The following GRID2 variants were observed in gnomAD, a reference collection of about 807,000 sequenced individuals.
GRID2 encodes the protein glutamate receptor ionotropic, delta-2.
In GRID2, 33 loss-of-function variants were observed where a neutral mutation model predicts 114.8. The ratio of observed to expected loss-of-function variants is 0.29; its 90% CI spans 0.22 to 0.38. The LOEUF is 0.38. Among genes scored for constraint, GRID2 ranks in the 10% least tolerant of loss-of-function variants. The pLI is 1.00. For missense variants in GRID2, 1,184 were observed against 1,257.7 expected (o/e 0.94, Z 0.89); for synonymous variants, 505 against 449.9 (o/e 1.12, Z -1.55).
At chr4:93,226,791 G>A (rs1745539063) in intron 7 of GRID2, among the ~76,000 whole-genome samples, 1 of 152,158 alleles carries the variant, frequency 6.6e-6, no homozygotes, top group African/African-American at 2.4e-5. Flanking sequence ...CTCTGCCTGA[G>A]TCTTCATGCT....
rs141316089 is a variant in GRID2, at chr4:92,740,929, T to C, written c.244+150643T>C. 6.9e-4 allele frequency among the ~76,000 whole-genome samples: 105 copies of C among 152,202 alleles called. 1 individual carries two copies. The highest frequency in any genetic ancestry group is 1.3e-3 in the African/African-American group (54 of 41,526). On this transcript the variant is annotated intron_variant, in intron 2 of 15. Transcript: ENST00000282020. Reference sequence around the variant, plus strand: ...GCCTGACTTATTCTTGTAGTTTTATTAGTTTTATTAGAAGGGGTTTCACCA... The same window carrying C: ...GCCTGACTTATTCTTGTAGTTTTATCAGTTTTATTAGAAGGGGTTTCACCA...
At chr4:93,086,055 T>C (rs934538484) in intron 3 of GRID2, among the ~76,000 whole-genome samples, 5 of 152,182 alleles carry the variant, frequency 3.3e-5, no homozygotes, top group Admixed American at 1.3e-4. Flanking sequence ...TCTTAATCTA[T>C]AGATTCCCTC....
At chr4:93,520,046 A>G (rs1730177710) in intron 13 of GRID2, among the ~76,000 whole-genome samples, 1 of 152,182 alleles carries the variant, frequency 6.6e-6, no homozygotes, top group Non-Finnish European at 1.5e-5. Context: ...CATGGGTTTT[A>G]GAAGACTGAG....
intron 10 of GRID2, among the ~76,000 whole-genome samples, chr4:93,453,288 G>A (rs1227416226): frequency 6.9e-6 from 1 of 144,888 alleles, no homozygotes; most frequent in East Asian, 2.2e-4. Flanking sequence ...ACCTCTTTAG[G>A]AAGACTATAC....
intron 1 of GRID2, among the ~76,000 whole-genome samples, chr4:92,323,581 C>T (rs75214693): frequency 0.013 from 2,025 of 152,090 alleles, 25 homozygotes; most frequent in Non-Finnish European, 0.021. Context: ...TTATGTAAAC[C>T]TTACTCCTTG....
At chr4:93,614,182 C>T (rs1469527414) in intron 13 of GRID2, among the ~76,000 whole-genome samples, 1 of 152,186 alleles carries the variant, frequency 6.6e-6, no homozygotes, top group Non-Finnish European at 1.5e-5. Flanking sequence ...GCGCACGGTG[C>T]GTGCACCCAC....
chr4:93,444,936 T>C lies in GRID2; in HGVS notation c.1546-10726T>C, dbSNP rs538495368. On this transcript the variant is annotated intron_variant, in intron 10 of 15. Transcript: ENST00000282020. ...GCGATGACTGTTCATTGTTTATAAA[T>C]ATCTGTTCTCTCCTTTCTTAGTAAT... is the stretch of plus-strand genomic sequence containing the variant. 1.0e-3 allele frequency among the ~76,000 whole-genome samples: 152 copies of C among 152,148 alleles called. 1 individual carries two copies. Among genetic ancestry groups the C allele is most frequent in the African/African-American group, 3.6e-3 (149 of 41,566 alleles).
At chr4:93,189,773 C>CCACACACACACACACA (rs34137840) in intron 4 of GRID2, among the ~76,000 whole-genome samples, 6 of 138,898 alleles carry the variant, frequency 4.3e-5, no homozygotes, top group African/African-American at 1.6e-4. Context: ...CCACACCACA[C>CCACACACACACACACA]CACACACACA....
At chr4:93,507,374 G>T (rs1168157136) in intron 12 of GRID2, among the ~76,000 whole-genome samples, 1 of 152,166 alleles carries the variant, frequency 6.6e-6, no homozygotes, top group African/African-American at 2.4e-5. Flanking sequence ...ATAGGAAGGT[G>T]GAAGGCTTAT....
chr4:92,628,247 A>G (rs118003216), intron 2 of GRID2, among the ~76,000 whole-genome samples: 2 of 152,156 alleles, frequency 1.3e-5, no homozygotes, highest in Admixed American at 6.5e-5. Flanking sequence ...AGCAGCTCCC[A>G]CTTATTTTCT....
intron 1 of GRID2, among the ~76,000 whole-genome samples, chr4:92,516,511 T>C (rs968971494): frequency 1.3e-5 from 2 of 151,890 alleles, no homozygotes; most frequent in African/African-American, 2.4e-5. Flanking sequence ...ATCATTTTAA[T>C]GATATCAGAT....
At chr4:93,732,616 G>T (rs751222139) in intron 14 of GRID2, among the ~76,000 whole-genome samples, 4 of 151,894 alleles carry the variant, frequency 2.6e-5, no homozygotes, top group Admixed American at 1.3e-4. Context: ...TCTTTGTGTG[G>T]TTAAAATGGC....
intron 14 of GRID2, among the ~76,000 whole-genome samples, chr4:93,681,223 G>T (rs962520372): frequency 5.3e-5 from 8 of 151,382 alleles, no homozygotes; most frequent in African/African-American, 1.7e-4. Context: ...ACTTACAAGG[G>T]ACGTGAAGGA....
intron 4 of GRID2, among the ~76,000 whole-genome samples, chr4:93,114,882 A>C (rs776750917): frequency 6.6e-6 from 1 of 152,150 alleles, no homozygotes; most frequent in Non-Finnish European, 1.5e-5. Context: ...CATATAATTA[A>C]ATATTACTAT....
chr4:92,781,948 A>G (rs1578184392), intron 2 of GRID2, among the ~76,000 whole-genome samples: 2 of 151,874 alleles, frequency 1.3e-5, no homozygotes, highest in Admixed American at 6.6e-5. Flanking sequence ...TTGTCTGCTT[A>G]TTTTTCTTTT....
intron 2 of GRID2, among the ~76,000 whole-genome samples, chr4:92,627,747 G>T (rs1730596007): frequency 6.6e-6 from 1 of 152,042 alleles, no homozygotes; most frequent in Non-Finnish European, 1.5e-5. Flanking sequence ...ATATCACCTT[G>T]AGCAGCAGAT....
chr4:93,004,985 T>C (rs958164514), intron 2 of GRID2, among the ~76,000 whole-genome samples: 1 of 152,030 alleles, frequency 6.6e-6, no homozygotes, highest in African/African-American at 2.4e-5. Flanking sequence ...ATCTCTTTCT[T>C]ACTTCTACAT....
At chr4:93,611,164 C>T (rs1740852783) in intron 13 of GRID2, among the ~76,000 whole-genome samples, 4 of 97,166 alleles carry the variant, frequency 4.1e-5, no homozygotes, top group South Asian at 4.0e-4. Flanking sequence ...GGTGATATCC[C>T]CTTTATCATT....
intron 14 of GRID2, among the ~76,000 whole-genome samples, chr4:93,756,867 A>G (rs974077626): frequency 1.3e-5 from 2 of 152,236 alleles, no homozygotes; most frequent in East Asian, 1.9e-4. Flanking sequence ...GATGAAATAC[A>G]TATTTTAAGA....
Sources: gnomAD v4.1 joint callset for allele counts (sites outside exome capture counted in the v4.1 genomes callset) on GRCh38, gnomAD v4.1.1 for gene constraint, MANE v1.5 for transcripts, NCBI Gene and HGNC (gene_info 2026-07-23, HGNC 2026-07-21) for gene names.